Variants in SNX14 observed in about 807,000 individuals in gnomAD.
SNX14 encodes sorting nexin-14.
A neutral mutation model predicts 133.8 loss-of-function variants in SNX14; 93 were observed. That is an observed-to-expected ratio of 0.70 (90% CI 0.59 to 0.83). SNX14 has a LOEUF of 0.83. SNX14 is among the 40% of genes least tolerant of loss of function. The pLI is 0.00. For synonymous variants in SNX14, 368 were observed against 365.6 expected (o/e 1.01, Z -0.07); for missense variants, 945 against 1,094.9 (o/e 0.86, Z 1.93).
At chr6:85,541,000 T>G (rs931257468) in intron 15 of SNX14, among the ~76,000 whole-genome samples, 1 of 151,588 alleles carries the variant, frequency 6.6e-6, no homozygotes. Context: ...TCTTAACTTT[T>G]TTTTTTTTTT....
At chr6:85,591,911 G>T (rs560054462) in intron 1 of SNX14, among the ~76,000 whole-genome samples, 23 of 152,322 alleles carry the variant, frequency 1.5e-4, no homozygotes, top group African/African-American at 5.1e-4. Flanking sequence ...TATTCTGCAG[G>T]CTGAGGCATG....
intron 1 of SNX14, among the ~76,000 whole-genome samples, chr6:85,593,016 A>T (rs117561058): frequency 0.064 from 9,769 of 152,266 alleles, 425 homozygotes; most frequent in Non-Finnish European, 0.086. Context: ...TCCGTCTCAA[A>T]AATAAAAAAT....
intron 12 of SNX14, among the ~76,000 whole-genome samples, chr6:85,546,563 G>T (rs1337985517): frequency 1.3e-5 from 2 of 151,856 alleles, no homozygotes; most frequent in Non-Finnish European, 2.9e-5. Context: ...TGTACTTTTA[G>T]TATTTTTTTT....
intron 23 of SNX14, among the ~76,000 whole-genome samples, chr6:85,516,762 C>T (rs1473226034): frequency 7.9e-5 from 12 of 151,818 alleles, no homozygotes; most frequent in African/African-American, 2.4e-5. Flanking sequence ...CTCGGCCTCC[C>T]GAGTAGCTAG....
At chr6:85,518,952 T>C (rs1775938457) in intron 21 of SNX14, among the ~76,000 whole-genome samples, 1 of 152,250 alleles carries the variant, frequency 6.6e-6, no homozygotes, top group Non-Finnish European at 1.5e-5. Flanking sequence ...GCCTGTCTCC[T>C]GGACTCTCCT....
At chr6:85,590,809 G>T (rs1325467880) in intron 1 of SNX14, among the ~76,000 whole-genome samples, 1 of 152,118 alleles carries the variant, frequency 6.6e-6, no homozygotes, top group East Asian at 1.9e-4. Context: ...CAAAAAGTAC[G>T]AAGTTTTCAC....
At chr6:85,524,627 CA>C (rs1554219685) in intron 21 of SNX14, among the ~76,000 whole-genome samples, 2 of 151,720 alleles carry the variant, frequency 1.3e-5, no homozygotes, top group African/African-American at 2.4e-5. Flanking sequence ...ACTAAAACTA[CA>C]AAAAAATTAG....
intron 17 of SNX14, among the ~76,000 whole-genome samples, chr6:85,534,770 C>T (rs901493405): frequency 6.8e-6 from 1 of 148,014 alleles, no homozygotes; most frequent in East Asian, 2.0e-4. Context: ...GTTATAATAT[C>T]GAATAGAGAA....
intron 1 of SNX14, among the ~76,000 whole-genome samples, chr6:85,578,104 A>G (rs564557449): frequency 1.5e-4 from 23 of 152,302 alleles, no homozygotes; most frequent in Non-Finnish European, 2.8e-4. Context: ...GTGATATAGG[A>G]GAAAAGGAGG....
intron 15 of SNX14, 26 bp from the exon 16 acceptor site, chr6:85,538,890 T>A (rs1319517721): frequency 1.9e-6 from 3 of 1,575,242 alleles, no homozygotes; most frequent in Non-Finnish European, 2.6e-6. Context: ...TGTGAAATAA[T>A]ATAAGGAGAG....
chr6:85,548,357 T>G lies in SNX14; in HGVS notation c.811A>C (p.Arg271=). The change falls in exon 9 of 29, where the codon AGA becomes CGA. Residue 271 remains arginine, a synonymous_variant. Coordinates refer to ENST00000314673, the MANE Select transcript of SNX14 (RefSeq NM_153816.6). ...AACACAGAGCCAGACAGAATCTCTC[T>G]TATAAGTAAGGTCAGAGATCTGGAA... ...TDCRSLTLLI[R]EILSGSVFLP... 6.2e-7 allele frequency: 1 copy of G among 1,605,912 alleles called. No homozygotes were observed. The highest frequency in any genetic ancestry group is 8.5e-7 in the Non-Finnish European group (1 of 1,176,550).
In SNX14 at chr6:85,574,249, T is replaced by C. The variant is rs1443782111; in HGVS notation, c.261+9A>G. On this transcript the variant is annotated intron_variant, in intron 2 of 28. Transcript: ENST00000314673. Reference sequence around the variant, plus strand: ...ATTGATTCTTAACAATAAGAACACATAATTTTACCTTGGGTTTGTATTTTA... The same window carrying C: ...ATTGATTCTTAACAATAAGAACACACAATTTTACCTTGGGTTTGTATTTTA... 3 of 1,565,478 alleles carry C rather than the reference T, an allele frequency of 1.9e-6. No individual in the cohort carries two copies. The highest frequency in any genetic ancestry group is 2.6e-6 in the Non-Finnish European group (3 of 1,147,360).
intron 18 of SNX14, among the ~76,000 whole-genome samples, chr6:85,531,460 A>G (rs189869905): frequency 1.4e-4 from 21 of 152,312 alleles, no homozygotes; most frequent in Admixed American, 7.2e-4. Context: ...AACCAATACC[A>G]CAATCATCCA....
chr6:85,554,498 T>C (rs1471813436), intron 7 of SNX14, among the ~76,000 whole-genome samples: 1 of 152,068 alleles, frequency 6.6e-6, no homozygotes, highest in East Asian at 1.9e-4. Flanking sequence ...GCCAAAGAAC[T>C]TAGAAAACAA....
At position 85,577,936 on chromosome 6, in the gene SNX14, CA is replaced by C. The variant is rs1274114055; in HGVS notation, c.141-3559del. Among the ~76,000 whole-genome samples, 3 of 152,224 alleles carry C rather than the reference CA, an allele frequency of 2.0e-5. No homozygotes were observed. In the East Asian group the frequency reaches 5.8e-4, roughly 29 times the overall value. On this transcript the variant is annotated intron_variant, in intron 1 of 28. Transcript: ENST00000314673. ...CCAGGCAAAAACAATTTTAGAATGG[CA>C]AAAGGCTACAACGGATTGAGGAGTG...
chr6:85,507,863 G>A (rs943919172), intron 27 of SNX14, 105 bp downstream of exon 27: 3 of 639,718 alleles, frequency 4.7e-6, no homozygotes, highest in Non-Finnish European at 4.8e-6. Context: ...ATATTGCCTT[G>A]GTTTAGTATA....
intron 17 of SNX14, among the ~76,000 whole-genome samples, chr6:85,535,161 G>C (rs1781527685): frequency 6.6e-6 from 1 of 150,850 alleles, no homozygotes; most frequent in Non-Finnish European, 1.5e-5. Context: ...GACTACAGTT[G>C]GGCACCATCA....
intron 7 of SNX14, among the ~76,000 whole-genome samples, chr6:85,556,908 C>G (rs1430936981): frequency 6.6e-6 from 1 of 152,096 alleles, no homozygotes; most frequent in Non-Finnish European, 1.5e-5. Flanking sequence ...CATTTAACTT[C>G]AAATCTACCT....
chr6:85,538,452 T>C (rs1323360463), intron 16 of SNX14, among the ~76,000 whole-genome samples: 1 of 152,114 alleles, frequency 6.6e-6, no homozygotes, highest in African/African-American at 2.4e-5. Flanking sequence ...TCACTTATGA[T>C]TATTATGCCC....
Sources: gnomAD v4.1 joint callset for allele counts (sites outside exome capture counted in the v4.1 genomes callset) on GRCh38, gnomAD v4.1.1 for gene constraint, MANE v1.5 for transcripts, NCBI Gene and HGNC (gene_info 2026-07-23, HGNC 2026-07-21) for gene names.